ADCY1: variants seen among roughly 807,000 people sequenced by gnomAD.
ADCY1 encodes the protein adenylate cyclase type 1.
Under a neutral mutation model 105.4 loss-of-function variants are expected in ADCY1, and 28 were observed. The ratio of observed to expected loss-of-function variants is 0.27; its 90% CI spans 0.20 to 0.36. The LOEUF (loss-of-function observed/expected upper bound fraction) is 0.36. Among genes scored for constraint, ADCY1 ranks in the 10% least tolerant of loss-of-function variants. The probability of loss-of-function intolerance (pLI) is 1.00; values close to 1 mark genes in which losing one functional copy is unlikely to be tolerated. For missense variants in ADCY1, 977 were observed against 1,434.2 expected (o/e 0.68, Z 5.15); for synonymous variants, 655 against 623.8 (o/e 1.05, Z -0.75).
At chr7:45,649,474 G>A (rs555547405) in intron 5 of ADCY1, among the ~76,000 whole-genome samples, 1 of 152,328 alleles carries the variant, frequency 6.6e-6, no homozygotes, top group East Asian at 1.9e-4. Context: ...CCAATGAGAT[G>A]GGGCCAACAG....
intron 4 of ADCY1, among the ~76,000 whole-genome samples, chr7:45,646,313 A>G (rs1412884872): frequency 6.6e-6 from 1 of 152,168 alleles, no homozygotes; most frequent in Non-Finnish European, 1.5e-5. Flanking sequence ...TGGCGCTGGC[A>G]GCCCACGCTG....
intron 1 of ADCY1, among the ~76,000 whole-genome samples, chr7:45,576,254 T>A (rs977602886): frequency 3.3e-5 from 5 of 151,194 alleles, no homozygotes; most frequent in African/African-American, 1.2e-4. Flanking sequence ...TGGGGGGCGG[T>A]GGTAAGGAGT....
chr7:45,614,686 G>T (rs1793689946), intron 3 of ADCY1, among the ~76,000 whole-genome samples: 1 of 152,184 alleles, frequency 6.6e-6, no homozygotes, highest in Admixed American at 6.5e-5. Flanking sequence ...AAGGATGGAA[G>T]GAGATAGCTC....
At chr7:45,624,938 C>T (rs1794008488) in intron 4 of ADCY1, among the ~76,000 whole-genome samples, 1 of 152,230 alleles carries the variant, frequency 6.6e-6, no homozygotes, top group Admixed American at 6.5e-5. Flanking sequence ...TGTGAGGGGA[C>T]AGGACCCACG....
chr7:45,637,447 G>C (rs545173128), intron 4 of ADCY1, among the ~76,000 whole-genome samples: 7 of 152,318 alleles, frequency 4.6e-5, no homozygotes, highest in African/African-American at 1.4e-4. Flanking sequence ...TTTTGGCTGG[G>C]TGTGGTGGCT....
At chr7:45,588,013 G>C (rs945572573) in intron 1 of ADCY1, among the ~76,000 whole-genome samples, 5 of 152,194 alleles carry the variant, frequency 3.3e-5, no homozygotes, top group African/African-American at 1.2e-4. Flanking sequence ...CTTGAAGGCG[G>C]AGTAGCTATA....
At chr7:45,621,770 A>C (rs764140506) in intron 3 of ADCY1, among the ~76,000 whole-genome samples, 1 of 152,192 alleles carries the variant, frequency 6.6e-6, no homozygotes, top group Non-Finnish European at 1.5e-5. Flanking sequence ...TTCTGGGTTC[A>C]GGAAGCCTCA....
intron 2 of ADCY1, among the ~76,000 whole-genome samples, chr7:45,608,694 G>T (rs1793447852): frequency 6.6e-6 from 1 of 152,192 alleles, no homozygotes; most frequent in Admixed American, 6.5e-5. Context: ...CCCATCACCT[G>T]TCACATTTTT....
chr7:45,667,804 G>A (rs1034759021), intron 8 of ADCY1, among the ~76,000 whole-genome samples: 31 of 152,008 alleles, frequency 2.0e-4, no homozygotes, highest in Non-Finnish European at 3.4e-4. Context: ...CTTTTATTTC[G>A]TTGAGCAGTG....
chr7:45,610,335 G>A (rs929864465), intron 2 of ADCY1, 44 bp from the exon 3 acceptor site: 1 of 1,560,466 alleles, frequency 6.4e-7, no homozygotes, highest in Non-Finnish European at 8.8e-7. Context: ...GGAGTGGAGG[G>A]AGGGGGCCCT....
At chr7:45,668,741 T>C (rs956255649) in intron 8 of ADCY1, among the ~76,000 whole-genome samples, 1 of 152,206 alleles carries the variant, frequency 6.6e-6, no homozygotes, top group Non-Finnish European at 1.5e-5. Context: ...TAGAATTCGG[T>C]TGTGAATCCG....
chr7:45,592,616 C>T (rs2115777426), intron 1 of ADCY1, 143 bp from the exon 2 acceptor site: 2 of 1,117,006 alleles, frequency 1.8e-6, no homozygotes, highest in Middle Eastern at 4.5e-4. Context: ...GGCTGACTCC[C>T]TGTGTCCCTG....
chr7:45,610,717 TGAGGAGGG>T (rs1793516292), intron 3 of ADCY1, among the ~76,000 whole-genome samples: 1 of 69,216 alleles, frequency 1.4e-5, no homozygotes, highest in African/African-American at 5.7e-5. Context: ...ATGGTGGAGG[TGAGGAGGG>T]GATAGTGGAG....
intron 4 of ADCY1, among the ~76,000 whole-genome samples, chr7:45,644,364 T>C (rs1584297775): frequency 6.6e-6 from 1 of 152,124 alleles, no homozygotes; most frequent in African/African-American, 2.4e-5. Context: ...CTGGGCAGGG[T>C]CAGAGTGCAC....
At chr7:45,676,253 G>T (rs1302583563) in intron 8 of ADCY1, among the ~76,000 whole-genome samples, 3 of 151,900 alleles carry the variant, frequency 2.0e-5, no homozygotes, top group Admixed American at 6.6e-5. Flanking sequence ...TCTGAGACTT[G>T]CTATAATTTG....
intron 10 of ADCY1, among the ~76,000 whole-genome samples, chr7:45,678,574 A>G (rs1296328492): frequency 2.0e-5 from 3 of 152,152 alleles, no homozygotes; most frequent in Admixed American, 6.6e-5. Context: ...TGCAACATGC[A>G]CCATTGCTGT....
At position 45,676,746 on chromosome 7, in the gene ADCY1, G is replaced by T. The variant is rs191232914; in HGVS notation, c.1606-1123G>T. Reference sequence around the variant, plus strand: ...GTTTTTCTGACACTATGTCAGTGGGGCCTTGGGTGTGCCTCCTCACAGCCT... The same window carrying T: ...GTTTTTCTGACACTATGTCAGTGGGTCCTTGGGTGTGCCTCCTCACAGCCT... On this transcript the variant is annotated intron_variant, in intron 8 of 19. Coordinates refer to ENST00000297323, the MANE Select transcript of ADCY1 (RefSeq NM_021116.4). Among the ~76,000 whole-genome samples the T allele has an allele frequency of 2.0e-5, 3 of 152,192 alleles. No homozygotes were observed. The East Asian group carries it at 5.8e-4, about 29-fold the overall frequency.
At chr7:45,590,175 T>G (rs1266024975) in intron 1 of ADCY1, among the ~76,000 whole-genome samples, 1 of 151,830 alleles carries the variant, frequency 6.6e-6, no homozygotes, top group Non-Finnish European at 1.5e-5. Flanking sequence ...ACGGGGAGGG[T>G]CGGTCATCTT....
chr7:45,666,147 A>G (rs1174821518), intron 8 of ADCY1, among the ~76,000 whole-genome samples: 2 of 151,770 alleles, frequency 1.3e-5, no homozygotes, highest in African/African-American at 4.8e-5. Flanking sequence ...TCTTTTTTTT[A>G]AATTATACTT....
Sources: gnomAD v4.1 joint callset for allele counts (sites outside exome capture counted in the v4.1 genomes callset) on GRCh38, gnomAD v4.1.1 for gene constraint, MANE v1.5 for transcripts, NCBI Gene and HGNC (gene_info 2026-07-23, HGNC 2026-07-21) for gene names.